TSPEAR: variants seen among roughly 807,000 people sequenced by gnomAD.
TSPEAR encodes thrombospondin type laminin G domain and EAR repeats, also known as thrombospondin-type laminin G domain and EAR repeat-containing protein.
TSPEAR carries 69 observed loss-of-function variants against 71.6 expected under a neutral mutation model. The ratio of observed to expected loss-of-function variants is 0.96; its 90% CI spans 0.79 to 1.18. The LOEUF is 1.18. Ranked by LOEUF, TSPEAR falls within the 50% of genes most tolerant of loss-of-function variation. The probability of loss-of-function intolerance (pLI) is 0.00; values close to 1 mark genes in which losing one functional copy is unlikely to be tolerated. For synonymous variants in TSPEAR, 402 were observed against 387.2 expected (o/e 1.04, Z -0.45); for missense variants, 971 against 894.9 (o/e 1.09, Z -1.09).
rs1180059848 is a variant in TSPEAR, at chr21:44,509,342, C to A, written c.1611G>T (p.Arg537Ser). 1.2e-6 allele frequency: 2 copies of A among 1,613,960 alleles called. No homozygotes were observed. The highest frequency in any genetic ancestry group is 2.2e-5 in the East Asian group (1 of 44,878). Residue 537 changes from arginine (R) to serine (S), a missense_variant, in exon 10 of 12, where the codon AGG becomes AGT. Transcript: ENST00000323084. ...ADWEVFQIGE[R>S]IFLAVANSHS... ...GACTGTTTGCCACAGCGAGGAAGAT[C>A]CTCTCCCCGATCTGGAAGACCTCCC... is the stretch of plus-strand genomic sequence containing the variant.
intron 3 of TSPEAR, among the ~76,000 whole-genome samples, chr21:44,532,302 C>T (rs1040253390): frequency 6.6e-6 from 1 of 152,380 alleles, no homozygotes; most frequent in African/African-American, 2.4e-5. Flanking sequence ...TTTGTCCAGG[C>T]CTCAGGCGCT....
rs782683938 is a variant in TSPEAR, at chr21:44,521,974, A to G, written c.1475T>C (p.Val492Ala). ...GGAGGTGCCGTTGAAGGTGTTGGCCACCACCAGGAACGAGTAGGGCCCCAC... is the reference window on the plus strand; with the variant it reads ...GGAGGTGCCGTTGAAGGTGTTGGCCGCCACCAGGAACGAGTAGGGCCCCAC... The part of the protein sequence containing the change: ...FSVGPYSFLV[V>A]ANTFNGTSTK... Residue 492 changes from valine to alanine, a missense_variant, in exon 9 of 12, where the codon GTG becomes GCG. Coordinates refer to ENST00000323084, the MANE Select transcript of TSPEAR (RefSeq NM_144991.3). The G allele has an allele frequency of 1.5e-5, 24 of 1,613,966 alleles. No individual in the cohort carries two copies. The highest frequency in any genetic ancestry group is 1.9e-5 in the Non-Finnish European group (22 of 1,179,998).
intron 1 of TSPEAR, among the ~76,000 whole-genome samples, chr21:44,615,952 C>T (rs1982065222): frequency 1.3e-5 from 2 of 152,332 alleles, no homozygotes; most frequent in South Asian, 4.1e-4. Flanking sequence ...TCAGGCGGGG[C>T]CGCCAGGGAC....
At chr21:44,658,356 C>A (rs1555943025) in intron 1 of TSPEAR, 3 of 1,326,748 alleles carry the variant, frequency 2.3e-6, no homozygotes, top group African/African-American at 2.9e-5. Context: ...ACACATAGGG[C>A]AGATGAAAAG....
intron 1 of TSPEAR, chr21:44,579,816 C>A (rs1555924608): frequency 1.2e-6 from 2 of 1,609,516 alleles, no homozygotes; most frequent in Non-Finnish European, 1.7e-6. Context: ...ACGCAGGAGG[C>A]CGGGCGGCAG....
chr21:44,540,073 G>A, intron 2 of TSPEAR: 1 of 1,609,674 alleles, frequency 6.2e-7, no homozygotes, highest in South Asian at 1.1e-5. Context: ...GGGGCTCACA[G>A]CAGCTCTCTG....
At chr21:44,634,345 A>T (rs1983421547) in intron 1 of TSPEAR, among the ~76,000 whole-genome samples, 1 of 152,214 alleles carries the variant, frequency 6.6e-6, no homozygotes, top group African/African-American at 2.4e-5. Context: ...AAAATGGATC[A>T]AAGCCCTACA....
chr21:44,587,211 G>A (rs1979397984), intron 1 of TSPEAR, among the ~76,000 whole-genome samples: 1 of 152,180 alleles, frequency 6.6e-6, no homozygotes, highest in Admixed American at 6.5e-5. Context: ...CAAAATTAAT[G>A]TACACAAATC....
At chr21:44,511,416 G>A (rs1330836022) in intron 9 of TSPEAR, among the ~76,000 whole-genome samples, 2 of 152,182 alleles carry the variant, frequency 1.3e-5, no homozygotes, top group Non-Finnish European at 2.9e-5. Flanking sequence ...ATGCATGCCT[G>A]TACACATGTG....
chr21:44,577,292 C>T (rs1390318033), intron 1 of TSPEAR, among the ~76,000 whole-genome samples: 1 of 152,200 alleles, frequency 6.6e-6, no homozygotes, highest in Non-Finnish European at 1.5e-5. Context: ...AAAAACTCCA[C>T]TGTGTTTGTC....
rs917186860 is a variant in TSPEAR, at chr21:44,522,095, C to T, written c.1354G>A (p.Asp452Asn). 1.9e-6 allele frequency: 3 copies of T among 1,613,944 alleles called. No homozygotes were observed. The highest frequency in any genetic ancestry group is 2.5e-6 in the Non-Finnish European group (3 of 1,179,972). Residue 452 changes from aspartate to asparagine, a missense_variant, in exon 9 of 12, where the codon GAC (aspartate) becomes AAC (asparagine). Physicochemically the swap from Asp to Asn is conservative, Grantham distance 23. Transcript: ENST00000323084. ...NHREGDNHNI[D>N]SVIYKWNPAT... The stretch of plus-strand genomic sequence containing the variant: ...GGGTTCCACTTGTAGATGACACTGT[C>T]GATGTTGTGGTTGTCGCCTGGAACC...
intron 1 of TSPEAR, chr21:44,579,701 G>A: frequency 6.4e-7 from 1 of 1,565,278 alleles, no homozygotes; most frequent in South Asian, 1.2e-5. Flanking sequence ...ACCCGAGTCA[G>A]GACCAGTTGG....
intron 4 of TSPEAR, among the ~76,000 whole-genome samples, chr21:44,530,769 G>A (rs1285939978): frequency 6.6e-6 from 1 of 152,226 alleles, no homozygotes; most frequent in Non-Finnish European, 1.5e-5. Context: ...CAGCTCCGGG[G>A]AAGGGGCTGC....
chr21:44,558,456 G>A (rs781795160), intron 2 of TSPEAR: 5 of 1,613,906 alleles, frequency 3.1e-6, no homozygotes, highest in African/African-American at 2.7e-5. Context: ...GCAGCAAGCT[G>A]GCTGGCAGCT....
chr21:44,518,754 A>G (rs1473379516), intron 9 of TSPEAR: 1 of 462,474 alleles, frequency 2.2e-6, no homozygotes, highest in Middle Eastern at 3.3e-4. Flanking sequence ...TCCTGCAACT[A>G]TTCCTTGTGT....
At chr21:44,693,005 A>C (rs1428323615) in intron 1 of TSPEAR, among the ~76,000 whole-genome samples, 1 of 152,206 alleles carries the variant, frequency 6.6e-6, no homozygotes, top group East Asian at 1.9e-4. Context: ...TGGCCTAAGA[A>C]CAGACATATG....
intron 11 of TSPEAR, among the ~76,000 whole-genome samples, chr21:44,501,711 G>A (rs2052034531): frequency 6.6e-6 from 1 of 152,212 alleles, no homozygotes; most frequent in Non-Finnish European, 1.5e-5. Context: ...CCTGCAATGA[G>A]CTGAGGTTAT....
chr21:44,569,741 C>T (rs1555922258), intron 1 of TSPEAR, among the ~76,000 whole-genome samples: 1 of 152,046 alleles, frequency 6.6e-6, no homozygotes, highest in African/African-American at 2.4e-5. Flanking sequence ...GACATAGGGA[C>T]AGCAACAGTG....
At chr21:44,682,443 T>C (rs1986651615) in intron 1 of TSPEAR, among the ~76,000 whole-genome samples, 1 of 152,188 alleles carries the variant, frequency 6.6e-6, no homozygotes, top group Non-Finnish European at 1.5e-5. Flanking sequence ...CCTTCGTTAG[T>C]TCTACGCTGA....
Sources: allele counts gnomAD v4.1 joint callset (sites outside exome capture counted in the v4.1 genomes callset), GRCh38; gene constraint gnomAD v4.1.1; transcripts MANE v1.5; gene names NCBI Gene and HGNC (gene_info 2026-07-23, HGNC 2026-07-21).